The following TGM2 variants were observed in gnomAD, a reference collection of about 807,000 sequenced individuals.
The protein encoded by TGM2 is transglutaminase 2, also known as protein-glutamine gamma-glutamyltransferase 2.
TGM2 carries 53 observed loss-of-function variants against 75.6 expected under a neutral mutation model. The ratio of observed to expected loss-of-function variants is 0.70; its 90% CI spans 0.56 to 0.88. TGM2 has a LOEUF of 0.88. Among genes scored for constraint, TGM2 ranks in the 40% least tolerant of loss-of-function variants. TGM2 has a pLI of 0.00. For synonymous variants in TGM2, 374 were observed against 381.1 expected (o/e 0.98, Z 0.22); for missense variants, 842 against 928.5 (o/e 0.91, Z 1.21).
chr20:38,134,968 C>T (rs1401094101), intron 10 of TGM2, among the ~76,000 whole-genome samples: 1 of 152,202 alleles, frequency 6.6e-6, no homozygotes, highest in Non-Finnish European at 1.5e-5. Flanking sequence ...CAGCCAGAGG[C>T]CAATGCCCAG....
intron 3 of TGM2, among the ~76,000 whole-genome samples, chr20:38,152,411 G>C (rs921022811): frequency 3.9e-5 from 6 of 152,212 alleles, no homozygotes; most frequent in African/African-American, 1.4e-4. Context: ...AATTAACCTT[G>C]AAGTCAATGA....
chr20:38,137,890 C>G, intron 10 of TGM2: 1 of 1,033,506 alleles, frequency 9.7e-7, no homozygotes, highest in Non-Finnish European at 1.4e-6. Context: ...GTGCCTCAGT[C>G]TACTCATCTG....
chr20:38,141,430 A>G (rs1308314324), intron 7 of TGM2, 45 bp from the exon 8 acceptor site: 1 of 1,404,340 alleles, frequency 7.1e-7, no homozygotes, highest in Admixed American at 2.0e-5. Context: ...CATGAGCAAC[A>G]TTCATCGCCA....
chr20:38,141,933 A>G, intron 7 of TGM2, 131 bp downstream of exon 7: 1 of 1,134,418 alleles, frequency 8.8e-7, no homozygotes, highest in South Asian at 1.3e-5. Context: ...GGCCTTCCCC[A>G]AGCCTGCTCA....
In TGM2 at chr20:38,146,774, C is replaced by G; in HGVS notation, c.802G>C (p.Gly268Arg). 2.5e-6 allele frequency: 4 copies of G among 1,613,884 alleles called. No individual in the cohort carries two copies. The highest frequency in any genetic ancestry group is 3.4e-6 in the Non-Finnish European group (4 of 1,179,970). The stretch of plus-strand genomic sequence containing the variant: ...TGGCCATACTTGACGCGCTGGCAGC[C>G]GTGGTTCTTCCAGCGCCGCAGGATG... ...VDILRRWKNH[G>R]CQRVKYGQCW... Residue 268 changes from glycine (G) to arginine (R), a missense_variant, in exon 6 of 13, where the codon GGC (glycine) becomes CGC (arginine). Transcript: ENST00000361475.
chr20:38,154,546 T>C (rs777640544), intron 3 of TGM2, among the ~76,000 whole-genome samples: 26 of 152,240 alleles, frequency 1.7e-4, no homozygotes, highest in Non-Finnish European at 3.4e-4. Flanking sequence ...CCCCTCTGAC[T>C]TTCTAGTTTT....
rs950955122 is a variant in TGM2 at position 38,161,545 on chromosome 20, T to C, written c.65A>G (p.His22Arg). ...CTTCTCCCGGCACAGGTCGGCCGTG[T>C]GGTGGTCTCGGCCATTGGTCTCCAG... ...LELETNGRDHHTADLCREKLV... is the reference protein window; with the variant it reads ...LELETNGRDHRTADLCREKLV... The change falls in exon 2 of 13, where the codon CAC (histidine) becomes CGC (arginine). Residue 22 changes from histidine to arginine, a missense_variant. Physicochemically the swap from His to Arg is conservative, Grantham distance 29 (BLOSUM62 0). Coordinates refer to ENST00000361475, the MANE Select transcript of TGM2 (RefSeq NM_004613.4). 1.2e-6 allele frequency: 2 copies of C among 1,614,132 alleles called. No homozygotes were observed. Among genetic ancestry groups the C allele is most frequent in the Non-Finnish European group, 1.7e-6 (2 of 1,180,016 alleles).
chr20:38,165,273 C>T (rs1225687576), upstream of TGM2: 89 of 1,605,162 alleles, frequency 5.5e-5, 1 homozygote, highest in South Asian at 1.6e-4. Flanking sequence ...CTGGCACTGC[C>T]GAGGCGGAGA....
chr20:38,142,910 G>A (rs531170881), intron 6 of TGM2, among the ~76,000 whole-genome samples: 2 of 152,248 alleles, frequency 1.3e-5, no homozygotes, highest in Non-Finnish European at 2.9e-5. Context: ...CAAGGCATCG[G>A]TGTCTGCAAT....
At chr20:38,165,148 C>T (rs1161781567) in intron 1 of TGM2, 41 bp downstream of exon 1, 1 of 1,613,970 alleles carries the variant, frequency 6.2e-7, no homozygotes, top group Admixed American at 1.7e-5. Context: ...CCCAATGCCC[C>T]GGGGCCCCTG....
At chr20:38,133,931 G>C (rs2074866589) in intron 10 of TGM2, among the ~76,000 whole-genome samples, 1 of 151,964 alleles carries the variant, frequency 6.6e-6, no homozygotes, top group Admixed American at 6.6e-5. Context: ...TCTCAAGGGG[G>C]AAAAAAAGAG....
At chr20:38,149,137 A>C (rs1321480142) in intron 4 of TGM2, among the ~76,000 whole-genome samples, 4 of 152,114 alleles carry the variant, frequency 2.6e-5, no homozygotes, top group African/African-American at 9.7e-5. Flanking sequence ...TAAACTTTCC[A>C]ACCTCTGAGC....
intron 1 of TGM2, 143 bp from the exon 2 acceptor site, chr20:38,161,742 C>T: frequency 1.0e-6 from 1 of 960,044 alleles, no homozygotes. Flanking sequence ...CCTGTCTCCC[C>T]AGCCCTGGTC....
chr20:38,149,678 CAAAAAA>C (rs1199376180), intron 4 of TGM2, among the ~76,000 whole-genome samples: 6 of 40,444 alleles, frequency 1.5e-4, no homozygotes, highest in South Asian at 1.1e-3. Context: ...GACTCCGCCT[CAAAAAA>C]AAAAAAAAAA....
At chr20:38,140,766 C>T (rs988264431) in intron 8 of TGM2, among the ~76,000 whole-genome samples, 1 of 152,158 alleles carries the variant, frequency 6.6e-6, no homozygotes, top group African/African-American at 2.4e-5. Flanking sequence ...CTTGTGACAA[C>T]TGTATTTTAA....
intron 2 of TGM2, among the ~76,000 whole-genome samples, chr20:38,156,666 G>A (rs2075191838): frequency 6.6e-6 from 1 of 152,122 alleles, no homozygotes; most frequent in African/African-American, 2.4e-5. Flanking sequence ...TGTCTCCCCA[G>A]GCCCCCCATC....
intron 8 of TGM2, among the ~76,000 whole-genome samples, chr20:38,140,648 G>A (rs963595961): frequency 1.3e-5 from 2 of 152,118 alleles, no homozygotes; most frequent in Non-Finnish European, 2.9e-5. Context: ...ATTAATTTAT[G>A]CTCATAAATT....
intron 4 of TGM2, among the ~76,000 whole-genome samples, chr20:38,149,102 TACA>T (rs2075082155): frequency 6.6e-6 from 1 of 152,210 alleles, no homozygotes; most frequent in South Asian, 2.1e-4. Context: ...TGCCCCAAGC[TACA>T]ATATACCTCT....
At chr20:38,141,407 G>A (rs1396945464) in intron 7 of TGM2, 22 bp from the exon 8 acceptor site, 16 of 1,521,872 alleles carry the variant, frequency 1.1e-5, no homozygotes, top group Admixed American at 1.9e-5. Context: ...AGGGGGGCGG[G>A]AATGAAGCAG....
Sources: allele counts gnomAD v4.1 joint callset (sites outside exome capture counted in the v4.1 genomes callset), GRCh38; gene constraint gnomAD v4.1.1; transcripts MANE v1.5; gene names NCBI Gene and HGNC (gene_info 2026-07-23, HGNC 2026-07-21).